KCNK2: variants seen among roughly 807,000 people sequenced by gnomAD.
KCNK2 encodes potassium two pore domain channel subfamily K member 2.
A neutral mutation model predicts 40.5 loss-of-function variants in KCNK2; 21 were observed. That is an observed-to-expected ratio of 0.52 (90% CI 0.37 to 0.75). The LOEUF is 0.75. Among genes scored for constraint, KCNK2 ranks in the 30% least tolerant of loss-of-function variants. The pLI is 0.00. For missense variants in KCNK2, 399 were observed against 531.6 expected (o/e 0.75, Z 2.45); for synonymous variants, 191 against 202.2 (o/e 0.94, Z 0.47).
At chr1:215,195,140 A>G (rs1402263541) in intron 6 of KCNK2, 48 bp downstream of exon 6, 1 of 1,341,692 alleles carries the variant, frequency 7.5e-7, no homozygotes, top group Non-Finnish European at 1.0e-6. Flanking sequence ...TTAATTCAAT[A>G]AAGGTTATTT....
At chr1:215,210,861 C>CT (rs35516774) in intron 6 of KCNK2, among the ~76,000 whole-genome samples, 137,781 of 151,950 alleles carry the variant, frequency 0.91, 62,921 homozygotes, top group East Asian at 1. Flanking sequence ...ACTTATCTCT[C>CT]TTCCTGTTTT....
At chr1:215,159,038 T>G (rs1245875260) in intron 3 of KCNK2, among the ~76,000 whole-genome samples, 1 of 152,208 alleles carries the variant, frequency 6.6e-6, no homozygotes, top group South Asian at 2.1e-4. Flanking sequence ...ATTTCCTGAC[T>G]TCTTAAACTT....
chr1:215,038,100 T>G (rs2102490596), intron 1 of KCNK2, among the ~76,000 whole-genome samples: 1 of 152,148 alleles, frequency 6.6e-6, no homozygotes. Flanking sequence ...AAATTCAGTC[T>G]ACCTTTTTAT....
At chr1:215,078,227 G>T (rs927370550), upstream of KCNK2, among the ~76,000 whole-genome samples, 1 of 152,218 alleles carries the variant, frequency 6.6e-6, no homozygotes, top group African/African-American at 2.4e-5. Flanking sequence ...GCCGCAGGCT[G>T]GACAAGATTG....
chr1:215,008,058 A>T (rs1163601080), intron 1 of KCNK2, among the ~76,000 whole-genome samples: 3 of 151,906 alleles, frequency 2.0e-5, no homozygotes, highest in African/African-American at 4.8e-5. Flanking sequence ...TGGATTTATT[A>T]TGCAAAATTC....
At chr1:215,018,010 A>G (rs1469932521) in intron 1 of KCNK2, among the ~76,000 whole-genome samples, 1 of 152,188 alleles carries the variant, frequency 6.6e-6, no homozygotes, top group Non-Finnish European at 1.5e-5. Flanking sequence ...ATGAAGGAAA[A>G]GTAGTCTGCA....
chr1:215,127,808 A>G (rs1163972863), intron 3 of KCNK2, among the ~76,000 whole-genome samples: 1 of 152,262 alleles, frequency 6.6e-6, no homozygotes, highest in Admixed American at 6.5e-5. Flanking sequence ...AAAAACAAAT[A>G]GGCATTTCAT....
At chr1:215,029,525 T>TAAATATAAATATATCCAAATATATC (rs1657112176) in intron 1 of KCNK2, among the ~76,000 whole-genome samples, 1 of 147,398 alleles carries the variant, frequency 6.8e-6, no homozygotes, top group Non-Finnish European at 1.5e-5. Flanking sequence ...TTTAGATATT[T>TAAATATAAATATATCCAAATATATC]AAATATAAAT....
chr1:215,175,648 C>T (rs562028295), intron 5 of KCNK2, among the ~76,000 whole-genome samples: 1 of 152,170 alleles, frequency 6.6e-6, no homozygotes, highest in African/African-American at 2.4e-5. Context: ...TTGCCCCCTT[C>T]CCTCCCTTCC....
chr1:215,041,607 A>G (rs1239522971), intron 1 of KCNK2, among the ~76,000 whole-genome samples: 1 of 152,184 alleles, frequency 6.6e-6, no homozygotes, highest in Non-Finnish European at 1.5e-5. Flanking sequence ...CTAGCTGAAA[A>G]TGTTGAATTT....
At chr1:215,153,013 A>C (rs899389963) in intron 3 of KCNK2, among the ~76,000 whole-genome samples, 14 of 152,202 alleles carry the variant, frequency 9.2e-5, no homozygotes, top group Non-Finnish European at 2.1e-4. Context: ...CCTATTAGTC[A>C]AATAGAACTC....
At chr1:215,046,758 A>G (rs1209130821) in intron 1 of KCNK2, among the ~76,000 whole-genome samples, 2 of 152,126 alleles carry the variant, frequency 1.3e-5, no homozygotes, top group Non-Finnish European at 2.9e-5. Flanking sequence ...ATCAAAAGAT[A>G]TATTTCTTGA....
At chr1:215,071,573 C>T (rs888713025) in intron 1 of KCNK2, among the ~76,000 whole-genome samples, 5 of 151,986 alleles carry the variant, frequency 3.3e-5, no homozygotes, top group African/African-American at 1.2e-4. Context: ...AGGTAATAAG[C>T]AAAAGCCTAG....
At chr1:215,093,886 T>C (rs11120488) in intron 2 of KCNK2, among the ~76,000 whole-genome samples, 1 of 87,594 alleles carries the variant, frequency 1.1e-5, no homozygotes, top group Non-Finnish European at 2.2e-5. Context: ...TATTATATAT[T>C]ATATATAAAA....
intron 6 of KCNK2, among the ~76,000 whole-genome samples, chr1:215,205,676 CTTG>C (rs950209750): frequency 9.2e-5 from 14 of 152,272 alleles, no homozygotes; most frequent in African/African-American, 2.9e-4. Context: ...CCCCTGCTGA[CTTG>C]TTGTGGATAT....
chr1:215,204,617 C>G (rs1042628972), intron 6 of KCNK2, among the ~76,000 whole-genome samples: 7 of 151,412 alleles, frequency 4.6e-5, no homozygotes, highest in African/African-American at 1.7e-4. Flanking sequence ...GGACTTTCTT[C>G]AGCAAACCAA....
chr1:215,048,863 G>A (rs1657879957), intron 1 of KCNK2, among the ~76,000 whole-genome samples: 1 of 152,116 alleles, frequency 6.6e-6, no homozygotes, highest in Admixed American at 6.6e-5. Context: ...ATTGCTGAGT[G>A]GTATCCCGTG....
At chr1:215,074,010 T>C (rs57753506) in intron 1 of KCNK2, among the ~76,000 whole-genome samples, 3,735 of 152,210 alleles carry the variant, frequency 0.025, 143 homozygotes, top group African/African-American at 0.083. Context: ...TCCACATGAC[T>C]CAGTGTGGAA....
At chr1:215,153,620 A>T (rs1662783783) in intron 3 of KCNK2, among the ~76,000 whole-genome samples, 1 of 150,674 alleles carries the variant, frequency 6.6e-6, no homozygotes. Context: ...GTCTAATTTA[A>T]TTTTTTTTAA....
Sources: allele counts gnomAD v4.1 joint callset (sites outside exome capture counted in the v4.1 genomes callset), GRCh38; gene constraint gnomAD v4.1.1; transcripts MANE v1.5; gene names NCBI Gene and HGNC (gene_info 2026-07-23, HGNC 2026-07-21).